Variants in GRIK3 observed in about 807,000 individuals in gnomAD.
GRIK3 encodes the protein glutamate ionotropic receptor kainate type subunit 3, also known as glutamate receptor ionotropic, kainate 3.
Under a neutral mutation model 102.5 loss-of-function variants are expected in GRIK3, and 29 were observed. The ratio of observed to expected loss-of-function variants is 0.28; its 90% CI spans 0.21 to 0.39. The LOEUF is 0.39. Among genes scored for constraint, GRIK3 ranks in the 10% least tolerant of loss-of-function variants. GRIK3 has a pLI of 1.00. For missense variants in GRIK3, 908 were observed against 1,252.4 expected (o/e 0.73, Z 4.15); for synonymous variants, 511 against 504.9 (o/e 1.01, Z -0.16).
intron 1 of GRIK3, among the ~76,000 whole-genome samples, chr1:37,030,312 ACT>A (rs1260329223): frequency 2.6e-5 from 4 of 152,124 alleles, no homozygotes; most frequent in African/African-American, 9.7e-5. Flanking sequence ...CGGCTCCCAA[ACT>A]CAAGAGATGA....
chr1:36,831,844 A>G (rs1044827303), intron 10 of GRIK3, among the ~76,000 whole-genome samples: 1 of 152,100 alleles, frequency 6.6e-6, no homozygotes, highest in African/African-American at 2.4e-5. Flanking sequence ...GCACTCCAAC[A>G]TTTCTTACAC....
chr1:36,959,508 ACTGTGTGCCCTGTGAGC>A (rs1641973230), intron 1 of GRIK3, among the ~76,000 whole-genome samples: 1 of 100,208 alleles, frequency 1.0e-5, no homozygotes, highest in Non-Finnish European at 2.1e-5. Context: ...GTGCCCTGTG[ACTGTGTGCCCTGTGAGC>A]CTGTGTGCCC....
At chr1:36,870,288 T>C (rs1208779703) in intron 4 of GRIK3, among the ~76,000 whole-genome samples, 1 of 152,130 alleles carries the variant, frequency 6.6e-6, no homozygotes, top group Non-Finnish European at 1.5e-5. Context: ...GTCTTCAGCC[T>C]CCCCAAGAAG....
At chr1:37,014,877 TCATCTA>T (rs1642637340) in intron 1 of GRIK3, among the ~76,000 whole-genome samples, 2 of 151,734 alleles carry the variant, frequency 1.3e-5, no homozygotes, top group South Asian at 2.1e-4. Context: ...TTTTCTTTTC[TCATCTA>T]TTCTCTTCTC....
intron 5 of GRIK3, among the ~76,000 whole-genome samples, chr1:36,861,703 C>T (rs543171): frequency 0.054 from 8,289 of 152,208 alleles, 622 homozygotes; most frequent in African/African-American, 0.16. Flanking sequence ...TTCTGGAATG[C>T]ACTGTGTTGG....
chr1:36,823,270 G>A (rs1328631182), intron 11 of GRIK3, among the ~76,000 whole-genome samples: 1 of 151,898 alleles, frequency 6.6e-6, no homozygotes, highest in African/African-American at 2.4e-5. Flanking sequence ...TCAGGAGATC[G>A]AGACCATCCT....
intron 1 of GRIK3, among the ~76,000 whole-genome samples, chr1:36,942,294 C>G (rs1641731421): frequency 6.6e-6 from 1 of 152,208 alleles, no homozygotes; most frequent in South Asian, 2.1e-4. Flanking sequence ...CAGTCCAGAG[C>G]CAGGAGCCCC....
chr1:36,803,890 C>CTTGTAAAT, intron 15 of GRIK3, among the ~76,000 whole-genome samples: 1 of 152,202 alleles, frequency 6.6e-6, no homozygotes, highest in Non-Finnish European at 1.5e-5. Flanking sequence ...TACACTTCAG[C>CTTGTAAAT]AAATTTCCTT....
intron 1 of GRIK3, among the ~76,000 whole-genome samples, chr1:36,946,695 A>G (rs1368039217): frequency 6.6e-6 from 1 of 152,190 alleles, no homozygotes; most frequent in African/African-American, 2.4e-5. Flanking sequence ...GTGCTAGCCC[A>G]TGCACCTTCT....
intron 10 of GRIK3, among the ~76,000 whole-genome samples, chr1:36,834,214 T>C (rs574942549): frequency 5.3e-5 from 8 of 152,328 alleles, no homozygotes; most frequent in South Asian, 2.1e-4. Context: ...CCTGACTTGA[T>C]AGATTTATTG....
intron 5 of GRIK3, among the ~76,000 whole-genome samples, chr1:36,861,313 T>A (rs1035764547): frequency 4.6e-5 from 7 of 152,022 alleles, no homozygotes; most frequent in African/African-American, 1.7e-4. Context: ...GGAAACTGAG[T>A]CTTGAGGTCA....
intron 3 of GRIK3, among the ~76,000 whole-genome samples, chr1:36,875,954 G>A (rs566072409): frequency 6.6e-6 from 1 of 152,312 alleles, no homozygotes; most frequent in South Asian, 2.1e-4. Context: ...CCAATCAGTG[G>A]CAATCCCATT....
At chr1:37,017,562 T>A (rs1047247733) in intron 1 of GRIK3, among the ~76,000 whole-genome samples, 1 of 151,842 alleles carries the variant, frequency 6.6e-6, no homozygotes, top group African/African-American at 2.4e-5. Flanking sequence ...AAAACCTGGA[T>A]TTTTATGGCA....
chr1:36,944,641 C>A (rs1641762874), intron 1 of GRIK3, among the ~76,000 whole-genome samples: 1 of 152,132 alleles, frequency 6.6e-6, no homozygotes, highest in South Asian at 2.1e-4. Context: ...TTCTTGCAGT[C>A]TCCCCTCATA....
intron 1 of GRIK3, among the ~76,000 whole-genome samples, chr1:36,975,422 G>C (rs1235668622): frequency 6.6e-6 from 1 of 151,452 alleles, no homozygotes; most frequent in Non-Finnish European, 1.5e-5. Flanking sequence ...AGCTTCTTGA[G>C]TAGCTGAGAC....
intron 1 of GRIK3, among the ~76,000 whole-genome samples, chr1:36,979,798 G>A (rs557492118): frequency 7.9e-5 from 12 of 152,248 alleles, no homozygotes; most frequent in Non-Finnish European, 1.6e-4. Flanking sequence ...AGATTGCAGA[G>A]GATGTGGATG....
intron 1 of GRIK3, among the ~76,000 whole-genome samples, chr1:36,998,979 A>AGTGTGTGT (rs768062478): frequency 3.1e-5 from 4 of 128,238 alleles, no homozygotes; most frequent in East Asian, 4.1e-4. Flanking sequence ...GAACTTTGGA[A>AGTGTGTGT]GTGTGTGTGT....
At chr1:36,824,805 T>C (rs1489313208) in intron 11 of GRIK3, among the ~76,000 whole-genome samples, 1 of 152,016 alleles carries the variant, frequency 6.6e-6, no homozygotes, top group Non-Finnish European at 1.5e-5. Flanking sequence ...ATGTGGGTCA[T>C]AGATAAAAGG....
rs746809134 is a variant in GRIK3, at chr1:36,806,270, C to A, written c.2148G>T (p.Ser716=). 3.7e-6 allele frequency: 6 copies of A among 1,614,162 alleles called. No homozygotes were observed. Among genetic ancestry groups the A allele is most frequent in the Non-Finnish European group, 5.1e-6 (6 of 1,180,008 alleles). Residue 716 remains serine (S), a synonymous_variant, in exon 14 of 16, where the codon TCG becomes TCT. Transcript: ENST00000373091. The surrounding 1 kb of genome is among the most constrained non-coding windows in gnomAD (Gnocchi z 4.0). The part of the protein sequence containing the change: ...KMWAFMSSKP[S]ALVKNNEEGI... ...CCTCCTCGTTGTTCTTCACCAGCGC[C>A]GATGGCTTGCTGCTCATGAAGGCCC...
Sources: allele counts gnomAD v4.1 joint callset (sites outside exome capture counted in the v4.1 genomes callset), GRCh38; gene constraint gnomAD v4.1.1; non-coding constraint Gnocchi (gnomAD v3.1); transcripts MANE v1.5; gene names NCBI Gene and HGNC (gene_info 2026-07-23, HGNC 2026-07-21).